Variants in SETDB1 observed in about 807,000 individuals in gnomAD.
SETDB1 encodes the protein SET domain bifurcated histone lysine methyltransferase 1.
In SETDB1, 31 loss-of-function variants were observed where a neutral mutation model predicts 137.4. The ratio of observed to expected loss-of-function variants is 0.23; its 90% CI spans 0.17 to 0.30. SETDB1 has a LOEUF of 0.30. SETDB1 is among the 10% of genes least tolerant of loss of function. The pLI is 1.00. For missense variants in SETDB1, 1,113 were observed against 1,631.5 expected (o/e 0.68, Z 5.47); for synonymous variants, 548 against 579.9 (o/e 0.95, Z 0.79).
intron 4 of SETDB1, among the ~76,000 whole-genome samples, chr1:150,940,790 G>T (rs2102684757): frequency 6.6e-6 from 1 of 151,936 alleles, no homozygotes; most frequent in South Asian, 2.1e-4. Context: ...ACGAGGTCAG[G>T]AGTTTGAGAC....
intron 3 of SETDB1, among the ~76,000 whole-genome samples, chr1:150,934,194 T>C (rs1669873178): frequency 6.6e-6 from 1 of 152,080 alleles, no homozygotes; most frequent in Admixed American, 6.6e-5. Flanking sequence ...CCATTTTGGC[T>C]GGGCGCGGTG....
At chr1:150,957,498 C>T (rs1313941978) in intron 14 of SETDB1, among the ~76,000 whole-genome samples, 1 of 152,148 alleles carries the variant, frequency 6.6e-6, no homozygotes, top group Non-Finnish European at 1.5e-5. Flanking sequence ...ACTAACTGAG[C>T]TGTTGATACA....
At chr1:150,945,297 A>G in intron 9 of SETDB1, 189 bp downstream of exon 9, 2 of 1,443,896 alleles carry the variant, frequency 1.4e-6, no homozygotes, top group African/African-American at 1.4e-5. Context: ...TGTTGAAAAT[A>G]AATTATCTGA....
Position 150,941,331 on chromosome 1 carries a change from C to G in SETDB1, c.450C>G (p.Leu150=). Residue 150 remains leucine, a splice_region_variant and synonymous_variant, in exon 5 of 22, where the codon CTC becomes CTG. Coordinates refer to ENST00000692827, the MANE Select transcript of SETDB1 (RefSeq NM_001366418.1). ...TTTCCTCATCCCCTTTTCTACAGCTCCGTGAAGCTATGGCTGCCTTAAGAA... is the reference window on the plus strand; with the variant it reads ...TTTCCTCATCCCCTTTTCTACAGCTGCGTGAAGCTATGGCTGCCTTAAGAA... ...AGSRTPKDQK[L]REAMAALRKS... 1.2e-6 allele frequency: 2 copies of G among 1,605,746 alleles called. No homozygotes were observed. The highest frequency in any genetic ancestry group is 1.7e-6 in the Non-Finnish European group (2 of 1,172,658).
At chr1:150,934,084 C>G (rs1024351980) in intron 3 of SETDB1, among the ~76,000 whole-genome samples, 1 of 151,890 alleles carries the variant, frequency 6.6e-6, no homozygotes, top group Non-Finnish European at 1.5e-5. Flanking sequence ...CACCCGGCCC[C>G]TGATTTTTCT....
chr1:150,962,456 C>T (rs1670851482), intron 17 of SETDB1, 131 bp from the exon 18 acceptor site: 2 of 869,986 alleles, frequency 2.3e-6, no homozygotes, highest in Non-Finnish European at 3.7e-6. Flanking sequence ...GGATTACAGC[C>T]ATGAGCTACC....
intron 10 of SETDB1, among the ~76,000 whole-genome samples, chr1:150,947,895 G>T (rs797008931): frequency 8.5e-5 from 13 of 152,206 alleles, no homozygotes; most frequent in African/African-American, 2.6e-4. Flanking sequence ...TTTCCCCAAA[G>T]TATAACATAA....
chr1:150,960,737 A>G lies in SETDB1; in HGVS notation c.2678A>G (p.Asn893Ser). 1.2e-6 allele frequency: 2 copies of G among 1,611,330 alleles called. No individual in the cohort carries two copies. Among genetic ancestry groups the G allele is most frequent in the Non-Finnish European group, 1.7e-6 (2 of 1,178,750 alleles). Residue 893 changes from asparagine (N) to serine (S), a missense_variant, in exon 16 of 22, where the codon AAC becomes AGC. Transcript: ENST00000692827. ...GVDLKDQEDG[N>S]SGTEDPEESN... ...GACTTGAAGGACCAGGAAGATGGCA[A>G]CAGCGGTACAGAGGACCCTGAAGAG...
chr1:150,952,217 T>C (rs1411788193), intron 14 of SETDB1, among the ~76,000 whole-genome samples: 1 of 152,126 alleles, frequency 6.6e-6, no homozygotes, highest in African/African-American at 2.4e-5. Context: ...TGCCAAGTGA[T>C]GTGACCTGCC....
intron 14 of SETDB1, 30 bp downstream of exon 14, chr1:150,951,511 C>CA (rs763561206): frequency 1.4e-5 from 16 of 1,113,082 alleles, no homozygotes; most frequent in Non-Finnish European, 2.2e-5. Flanking sequence ...CACAGTACCT[C>CA]AGAGAGACTG....
Position 150,933,773 on chromosome 1 carries a change from CTTTTTCTTTTT to C in SETDB1, c.412+3661_412+3671del, listed in dbSNP as rs1558012266. 3.1e-3 allele frequency among the ~76,000 whole-genome samples: 43 copies of C among 13,948 alleles called. 1 individual carries two copies. The highest frequency in any genetic ancestry group is 0.011 in the Non-Finnish European group (32 of 2,996). The allele number at this position is 13,948 out of a possible 152,430, so 9.2% of individuals were successfully genotyped here. The stretch of plus-strand genomic sequence containing the variant: ...TCTTTTTCTTTTTCTTTTTCTTTTT[CTTTTTCTTTTT>C]TTTTTTTTTTTTTTTGAGATGGAGT... On this transcript the variant is annotated intron_variant, in intron 3 of 21. Coordinates refer to ENST00000692827, the MANE Select transcript of SETDB1 (RefSeq NM_001366418.1).
In SETDB1 at chr1:150,939,994, G is replaced by C; in HGVS notation, c.447+20G>C. ...CAGAAGGTAAGTTAGGATGGTAAGG[G>C]AAGGGTGAGAGATAAGAATATGAAA... On this transcript the variant is annotated intron_variant, in intron 4 of 21. Transcript: ENST00000692827. 6.2e-7 allele frequency: 1 copy of C among 1,602,230 alleles called. No individual in the cohort carries two copies. Among genetic ancestry groups the C allele is most frequent in the Non-Finnish European group, 8.5e-7 (1 of 1,169,616 alleles).
chr1:150,956,743 ATC>A lies in SETDB1; in HGVS notation c.2334-2431_2334-2430del, dbSNP rs1229218836. On this transcript the variant is annotated intron_variant, in intron 14 of 21. Coordinates refer to ENST00000692827, the MANE Select transcript of SETDB1 (RefSeq NM_001366418.1). ...TACCCACTAGACCACCAGGGAAATA[ATC>A]TCTTTTTTTTTTTTGCTATGGAGTC... Among the ~76,000 whole-genome samples the A allele has an allele frequency of 1.9e-3, 289 of 150,458 alleles. 1 individual carries two copies. The highest frequency in any genetic ancestry group is 6.6e-3 in the African/African-American group (271 of 41,036).
intron 15 of SETDB1, among the ~76,000 whole-genome samples, chr1:150,959,795 G>A (rs587678341): frequency 5.9e-5 from 9 of 152,310 alleles, no homozygotes; most frequent in South Asian, 4.1e-4. Context: ...ACACTGGGCC[G>A]GCGTGGTGGC....
At chr1:150,963,856 A>G (rs746064684) in intron 20 of SETDB1, 115 bp downstream of exon 20, 9 of 1,308,288 alleles carry the variant, frequency 6.9e-6, no homozygotes, top group Non-Finnish European at 9.9e-6. Flanking sequence ...AAAGGATCTT[A>G]AAGAGGTAGC....
intron 15 of SETDB1, 129 bp downstream of exon 15, chr1:150,959,476 T>C: frequency 1.4e-6 from 1 of 734,102 alleles, no homozygotes; most frequent in Non-Finnish European, 2.3e-6. Context: ...CAGGGACTTC[T>C]ACAAAGAACG....
rs587706756 is a variant in SETDB1, at chr1:150,954,559, C to T, written c.2333+3078C>T. Among the ~76,000 whole-genome samples the T allele has an allele frequency of 2.6e-5, 4 of 151,914 alleles. No homozygotes were observed. The East Asian group carries it at 7.7e-4, about 29-fold the overall frequency. On this transcript the variant is annotated intron_variant, in intron 14 of 21. Transcript: ENST00000692827. ...ATAAAGGTAGGTTCCCATTAAGAGA[C>T]ATTATCATAAAATGTCAGAACACTG... is the stretch of plus-strand genomic sequence containing the variant.
At chr1:150,939,251 ATTTTTTTTTT>A (rs71580343) in intron 3 of SETDB1, among the ~76,000 whole-genome samples, 3 of 107,190 alleles carry the variant, frequency 2.8e-5, no homozygotes, top group Non-Finnish European at 3.6e-5. Context: ...TGCACCCAGC[ATTTTTTTTTT>A]TTTTTTTTTT....
intron 9 of SETDB1, 137 bp downstream of exon 9, chr1:150,945,245 C>A: frequency 6.8e-7 from 1 of 1,475,184 alleles, no homozygotes; most frequent in South Asian, 1.4e-5. Context: ...TGTTTTTGGT[C>A]AAATTTTACT....
Sources: gnomAD v4.1 joint callset for allele counts (sites outside exome capture counted in the v4.1 genomes callset) on GRCh38, gnomAD v4.1.1 for gene constraint, MANE v1.5 for transcripts, NCBI Gene and HGNC (gene_info 2026-07-23, HGNC 2026-07-21) for gene names.